Variants in SEMA3E observed in about 807,000 individuals in gnomAD.
SEMA3E encodes semaphorin-3E.
In SEMA3E, 49 loss-of-function variants were observed where a neutral mutation model predicts 93.6. The ratio of observed to expected loss-of-function variants is 0.52; its 90% CI spans 0.42 to 0.66. The LOEUF (loss-of-function observed/expected upper bound fraction) is 0.66. Ranked by LOEUF, SEMA3E falls within the 30% of genes least tolerant of loss-of-function variation. The pLI is 0.00. For synonymous variants in SEMA3E, 363 were observed against 330.7 expected (o/e 1.10, Z -1.06); for missense variants, 906 against 964.8 (o/e 0.94, Z 0.81).
intron 1 of SEMA3E, among the ~76,000 whole-genome samples, chr7:83,574,471 AGAGAG>A (rs143349255): frequency 0.42 from 62,305 of 147,150 alleles, 13,784 homozygotes; most frequent in African/African-American, 0.6. Flanking sequence ...AAAAAAAAAA[AGAGAG>A]AGAGAGACTA....
intron 1 of SEMA3E, among the ~76,000 whole-genome samples, chr7:83,552,642 C>A (rs1418053023): frequency 1.3e-5 from 2 of 152,008 alleles, no homozygotes; most frequent in Non-Finnish European, 2.9e-5. Context: ...GGAATGCATT[C>A]CTGGTGGGAG....
chr7:83,548,673 G>A (rs904610455), intron 1 of SEMA3E, among the ~76,000 whole-genome samples: 19 of 152,028 alleles, frequency 1.2e-4, no homozygotes, highest in African/African-American at 2.7e-4. Flanking sequence ...ATTCTCTGCC[G>A]TTTCTAAAAC....
chr7:83,479,396 T>G (rs2115933943), intron 2 of SEMA3E, among the ~76,000 whole-genome samples: 1 of 152,338 alleles, frequency 6.6e-6, no homozygotes, highest in East Asian at 1.9e-4. Context: ...TCTACTGTAT[T>G]ATAAATATTT....
At chr7:83,588,116 G>A (rs910613480) in intron 1 of SEMA3E, among the ~76,000 whole-genome samples, 14 of 152,100 alleles carry the variant, frequency 9.2e-5, no homozygotes, top group Non-Finnish European at 1.9e-4. Flanking sequence ...CGGCGCGGTG[G>A]CTCATGCCTG....
At chr7:83,505,656 C>A (rs1036408908) in intron 1 of SEMA3E, among the ~76,000 whole-genome samples, 15 of 151,850 alleles carry the variant, frequency 9.9e-5, no homozygotes, top group African/African-American at 3.6e-4. Flanking sequence ...TTTTTGGAAA[C>A]CATAAGAATT....
At chr7:83,626,559 T>G (rs1189976087) in intron 1 of SEMA3E, among the ~76,000 whole-genome samples, 3 of 152,188 alleles carry the variant, frequency 2.0e-5, no homozygotes, top group Non-Finnish European at 4.4e-5. Context: ...GATATCCCCT[T>G]TATCGTTTTT....
At chr7:83,573,167 T>A (rs1792321904) in intron 1 of SEMA3E, among the ~76,000 whole-genome samples, 1 of 152,108 alleles carries the variant, frequency 6.6e-6, no homozygotes, top group Admixed American at 6.5e-5. Context: ...AGGTCTGATA[T>A]CCAGAATCTA....
At chr7:83,461,169 T>C (rs1789608916) in intron 4 of SEMA3E, among the ~76,000 whole-genome samples, 1 of 152,154 alleles carries the variant, frequency 6.6e-6, no homozygotes, top group Non-Finnish European at 1.5e-5. Flanking sequence ...GTGCCTGATG[T>C]CCAGACATTC....
intron 1 of SEMA3E, among the ~76,000 whole-genome samples, chr7:83,525,099 T>G (rs1791128156): frequency 6.6e-6 from 1 of 152,124 alleles, no homozygotes; most frequent in Admixed American, 6.6e-5. Context: ...GAACCGTGTT[T>G]ATTCAATGCC....
At chr7:83,515,186 C>T (rs997014725) in intron 1 of SEMA3E, among the ~76,000 whole-genome samples, 2 of 152,078 alleles carry the variant, frequency 1.3e-5, no homozygotes, top group African/African-American at 2.4e-5. Context: ...TCCTCCTTTT[C>T]CTTCTCACTG....
At chr7:83,512,777 A>C (rs975873861) in intron 1 of SEMA3E, among the ~76,000 whole-genome samples, 11 of 152,178 alleles carry the variant, frequency 7.2e-5, no homozygotes, top group African/African-American at 2.7e-4. Context: ...GCCTGTCTTA[A>C]TTTTGATGTA....
At chr7:83,616,315 A>G (rs1028802361) in intron 1 of SEMA3E, among the ~76,000 whole-genome samples, 4 of 152,194 alleles carry the variant, frequency 2.6e-5, no homozygotes, top group African/African-American at 9.6e-5. Context: ...CCTATTTTGC[A>G]TAAGAAAAGT....
chr7:83,617,522 T>A (rs1247980816), intron 1 of SEMA3E, among the ~76,000 whole-genome samples: 1 of 145,734 alleles, frequency 6.9e-6, no homozygotes, highest in Admixed American at 6.9e-5. Context: ...AATATATAAT[T>A]TTATATAAAT....
chr7:83,518,684 C>T lies in SEMA3E; in HGVS notation c.116-28410G>A, dbSNP rs967646468. ...AGAGAGGTAAAGGTGCGACAGACCT[C>T]AGAACGTTAATGGAGGCCTTTTCTC... On this transcript the variant is annotated intron_variant, in intron 1 of 16. Transcript: ENST00000643230. 3.3e-5 allele frequency among the ~76,000 whole-genome samples: 5 copies of T among 152,094 alleles called. No homozygotes were observed. In the South Asian group the frequency reaches 1.0e-3, roughly 32 times the overall value.
chr7:83,482,149 G>A (rs1016064432), intron 2 of SEMA3E, among the ~76,000 whole-genome samples: 4 of 152,180 alleles, frequency 2.6e-5, no homozygotes, highest in Admixed American at 2.6e-4. Flanking sequence ...TTTGCCAGAG[G>A]AGAAGTGGGT....
chr7:83,471,947 A>G (rs1165998463), intron 2 of SEMA3E, among the ~76,000 whole-genome samples: 1 of 152,214 alleles, frequency 6.6e-6, no homozygotes, highest in Non-Finnish European at 1.5e-5. Context: ...CCCATTCACC[A>G]TTAGGCTGCA....
chr7:83,578,666 T>C (rs772224501), intron 1 of SEMA3E, among the ~76,000 whole-genome samples: 7 of 152,016 alleles, frequency 4.6e-5, no homozygotes, highest in African/African-American at 7.2e-5. Context: ...AAAAACTGGT[T>C]ATAAAAAAAA....
chr7:83,390,559 T>A (rs567455395), intron 14 of SEMA3E, among the ~76,000 whole-genome samples: 1 of 152,318 alleles, frequency 6.6e-6, no homozygotes, highest in East Asian at 1.9e-4. Context: ...GAAAAGTATT[T>A]ATTTTAATGA....
At chr7:83,388,018 A>G (rs1787918157) in intron 14 of SEMA3E, among the ~76,000 whole-genome samples, 1 of 147,922 alleles carries the variant, frequency 6.8e-6, no homozygotes. Context: ...TTGAATATAT[A>G]TAAAAACATT....
Sources: gnomAD v4.1 joint callset for allele counts (sites outside exome capture counted in the v4.1 genomes callset) on GRCh38, gnomAD v4.1.1 for gene constraint, MANE v1.5 for transcripts, NCBI Gene and HGNC (gene_info 2026-07-23, HGNC 2026-07-21) for gene names.